TNNI3K: variants seen among roughly 807,000 people sequenced by gnomAD.
The protein encoded by TNNI3K is TNNI3 interacting kinase, also known as serine/threonine-protein kinase TNNI3K.
TNNI3K carries 140 observed loss-of-function variants against 114.5 expected under a neutral mutation model. The ratio of observed to expected loss-of-function variants is 1.22; its 90% CI spans 1.07 to 1.41. The LOEUF (loss-of-function observed/expected upper bound fraction) is 1.41, where lower values mean the gene tolerates loss of function less well. Ranked by LOEUF, TNNI3K falls within the 40% of genes most tolerant of loss-of-function variation. The pLI is 0.00. For missense variants in TNNI3K, 1,125 were observed against 1,007.6 expected (o/e 1.12, Z -1.58); for synonymous variants, 347 against 347.5 (o/e 1.00, Z 0.02).
chr1:74,335,918 G>C, intron 6 of TNNI3K, 93 bp from the exon 7 acceptor site: 1 of 1,374,266 alleles, frequency 7.3e-7, no homozygotes, highest in Non-Finnish European at 9.6e-7. Flanking sequence ...ATAAATTTTT[G>C]TGGTTTAAGC....
intron 5 of TNNI3K, among the ~76,000 whole-genome samples, chr1:74,322,653 G>T (rs1315342566): frequency 2.0e-5 from 3 of 151,824 alleles, no homozygotes; most frequent in Non-Finnish European, 4.4e-5. Flanking sequence ...TAGAGATGGG[G>T]TTTCACCATG....
chr1:74,520,683 C>A (rs1345392194), intron 23 of TNNI3K, among the ~76,000 whole-genome samples: 2 of 151,782 alleles, frequency 1.3e-5, no homozygotes, highest in Non-Finnish European at 2.9e-5. Context: ...ATTTTTAAGA[C>A]ACTGAGAACA....
chr1:74,344,973 A>G (rs1215250540), intron 9 of TNNI3K, among the ~76,000 whole-genome samples: 1 of 152,148 alleles, frequency 6.6e-6, no homozygotes, highest in Non-Finnish European at 1.5e-5. Flanking sequence ...TTTCATATGT[A>G]TACACACACA....
chr1:74,481,583 A>G (rs541543429), intron 21 of TNNI3K, among the ~76,000 whole-genome samples: 2 of 152,330 alleles, frequency 1.3e-5, no homozygotes, highest in Non-Finnish European at 2.9e-5. Context: ...GGTTCTCATT[A>G]TAGTCTGGGC....
In TNNI3K at chr1:74,236,092, T is replaced by C; in HGVS notation, c.41-10T>C. On this transcript the variant is annotated splice_polypyrimidine_tract_variant and intron_variant, in intron 1 of 24. Transcript: ENST00000326637. ...ACTATGAATCAATCTCATTTGTTCT[T>C]CTTTACTAGATGAATGGAAGAAAAA... 6.2e-7 allele frequency: 1 copy of C among 1,601,360 alleles called. No individual in the cohort carries two copies. The highest frequency in any genetic ancestry group is 8.5e-7 in the Non-Finnish European group (1 of 1,172,548).
At chr1:74,498,639 T>G (rs1669456068) in intron 23 of TNNI3K, among the ~76,000 whole-genome samples, 1 of 152,178 alleles carries the variant, frequency 6.6e-6, no homozygotes, top group Admixed American at 6.5e-5. Context: ...GCATTCAGAT[T>G]TTTTTGACTC....
chr1:74,362,160 A>G (rs1662002518), intron 11 of TNNI3K, among the ~76,000 whole-genome samples: 1 of 152,172 alleles, frequency 6.6e-6, no homozygotes, highest in African/African-American at 2.4e-5. Context: ...TTGAAGGGCA[A>G]TTGTCCAAAG....
intron 22 of TNNI3K, among the ~76,000 whole-genome samples, chr1:74,491,121 G>T (rs1669051194): frequency 6.6e-6 from 1 of 152,160 alleles, no homozygotes; most frequent in African/African-American, 2.4e-5. Context: ...AGATTTGAGT[G>T]GTGAATAAGC....
chr1:74,417,319 A>T (rs950268451), intron 17 of TNNI3K, among the ~76,000 whole-genome samples: 2 of 152,048 alleles, frequency 1.3e-5, no homozygotes, highest in African/African-American at 4.8e-5. Context: ...GGTACCCTTC[A>T]TGCTGCTTCC....
At chr1:74,409,421 T>A (rs1400234568) in intron 17 of TNNI3K, among the ~76,000 whole-genome samples, 2 of 152,140 alleles carry the variant, frequency 1.3e-5, no homozygotes, top group Non-Finnish European at 2.9e-5. Context: ...TTGATTTGCT[T>A]AAGATTCCAT....
At chr1:74,418,104 A>G (rs1665218199) in intron 17 of TNNI3K, 1 of 438,180 alleles carries the variant, frequency 2.3e-6, no homozygotes, top group Non-Finnish European at 4.5e-6. Flanking sequence ...TAAACATGTT[A>G]TATGGGACTG....
intron 5 of TNNI3K, among the ~76,000 whole-genome samples, chr1:74,319,939 T>C (rs959304575): frequency 6.6e-6 from 1 of 152,202 alleles, no homozygotes; most frequent in African/African-American, 2.4e-5. Flanking sequence ...AGTTTAGTCA[T>C]ATGAGCTCTG....
intron 17 of TNNI3K, among the ~76,000 whole-genome samples, chr1:74,394,424 GT>G (rs775913185): frequency 7.2e-5 from 11 of 152,110 alleles, no homozygotes; most frequent in African/African-American, 1.9e-4. Context: ...AGGAAATAAT[GT>G]ATACAGTGGT....
At chr1:74,461,539 G>A (rs986312090) in intron 20 of TNNI3K, among the ~76,000 whole-genome samples, 13 of 149,786 alleles carry the variant, frequency 8.7e-5, no homozygotes, top group African/African-American at 2.9e-4. Context: ...CTAATTTTTT[G>A]TGACACAGAA....
intron 17 of TNNI3K, among the ~76,000 whole-genome samples, chr1:74,417,137 G>C (rs10890127): frequency 3.3e-5 from 5 of 151,906 alleles, no homozygotes; most frequent in Admixed American, 2.0e-4. Context: ...AGAGAAATGC[G>C]TAATAATGGC....
chr1:74,531,484 G>A (rs1281556011), intron 23 of TNNI3K, among the ~76,000 whole-genome samples: 1 of 152,164 alleles, frequency 6.6e-6, no homozygotes, highest in East Asian at 1.9e-4. Context: ...GGAAAGGTGG[G>A]CTGCATGGGA....
intron 17 of TNNI3K, among the ~76,000 whole-genome samples, chr1:74,429,811 CAGG>C (rs967624670): frequency 7.9e-5 from 12 of 152,026 alleles, no homozygotes; most frequent in Non-Finnish European, 1.3e-4. Flanking sequence ...GGAATGCTTC[CAGG>C]CATGCTCACA....
chr1:74,313,977 T>G (rs1167751899), intron 5 of TNNI3K, among the ~76,000 whole-genome samples: 1 of 150,752 alleles, frequency 6.6e-6, no homozygotes, highest in Non-Finnish European at 1.5e-5. Flanking sequence ...TTAACCGATA[T>G]TCTGTAGAGC....
chr1:74,473,112 A>G (rs1228076992), intron 21 of TNNI3K, among the ~76,000 whole-genome samples: 2 of 152,154 alleles, frequency 1.3e-5, no homozygotes, highest in Non-Finnish European at 1.5e-5. Context: ...GACAAAAATA[A>G]TAGTAATACC....
Sources: gnomAD v4.1 joint callset for allele counts (sites outside exome capture counted in the v4.1 genomes callset) on GRCh38, gnomAD v4.1.1 for gene constraint, MANE v1.5 for transcripts, NCBI Gene and HGNC (gene_info 2026-07-23, HGNC 2026-07-21) for gene names.